The following MARK3 variants were observed in gnomAD, a reference collection of about 807,000 sequenced individuals.
MARK3 encodes MAP/microtubule affinity-regulating kinase 3.
A neutral mutation model predicts 90.1 loss-of-function variants in MARK3; 46 were observed. That is an observed-to-expected ratio of 0.51 (90% CI 0.40 to 0.65). MARK3 has a LOEUF of 0.65. Among genes scored for constraint, MARK3 ranks in the 30% least tolerant of loss-of-function variants. MARK3 has a pLI of 0.00. For synonymous variants in MARK3, 321 were observed against 332.6 expected, an observed-to-expected ratio of 0.97 and a Z score of 0.38; for missense variants, 818 against 947.2, an observed-to-expected ratio of 0.86 and a Z score of 1.79.
intron 11 of MARK3, 137 bp from the exon 12 acceptor site, chr14:103,467,896 C>A: frequency 1.3e-6 from 1 of 776,222 alleles, no homozygotes; most frequent in Non-Finnish European, 2.0e-6. Context: ...TTAGGGTTGT[C>A]ATTTTTGTAC....
chr14:103,446,710 C>CTTTTTTTTTTTTT (rs746523547), intron 3 of MARK3, among the ~76,000 whole-genome samples: 2 of 98,052 alleles, frequency 2.0e-5, no homozygotes, highest in Non-Finnish European at 1.8e-5. Flanking sequence ...AGATTGTTGT[C>CTTTTTTTTTTTTT]TTTTTTTTTT....
chr14:103,441,611 C>A (rs954243315), intron 3 of MARK3: 1 of 152,104 alleles, frequency 6.6e-6, no homozygotes. Flanking sequence ...TTAAGAAATT[C>A]TTCTCTACCT....
At chr14:103,480,257 A>G (rs547526334) in intron 13 of MARK3, 130 bp from the exon 14 acceptor site, 4 of 581,402 alleles carry the variant, frequency 6.9e-6, no homozygotes, top group African/African-American at 3.8e-5. Context: ...CCTGGGTGAC[A>G]GAGTAAGACC....
chr14:103,435,736 A>G (rs1274009476), intron 3 of MARK3, among the ~76,000 whole-genome samples: 2 of 151,638 alleles, frequency 1.3e-5, no homozygotes, highest in African/African-American at 4.8e-5. Context: ...TGAGTGATTG[A>G]TTGATGGGGT....
intron 1 of MARK3, among the ~76,000 whole-genome samples, chr14:103,391,542 CTTT>C (rs35186837): frequency 3.5e-4 from 49 of 140,064 alleles, no homozygotes; most frequent in African/African-American, 9.8e-4. Context: ...GTCAAATATG[CTTT>C]TTTTTTTTTT....
At chr14:103,475,825 A>G (rs2093704809) in intron 13 of MARK3, among the ~76,000 whole-genome samples, 1 of 152,002 alleles carries the variant, frequency 6.6e-6, no homozygotes, top group Non-Finnish European at 1.5e-5. Flanking sequence ...GGCACCTGTA[A>G]TCCCAGCTGC....
intron 3 of MARK3, among the ~76,000 whole-genome samples, chr14:103,435,678 G>C (rs1425142483): frequency 6.6e-6 from 1 of 152,030 alleles, no homozygotes; most frequent in Non-Finnish European, 1.5e-5. Flanking sequence ...AAAGTGCTGG[G>C]ATTACAGGCG....
rs369147970 is a variant in MARK3 at position 103,503,459 on chromosome 14, C to T, written c.*232C>T. 9 of 535,042 alleles carry T rather than the reference C, an allele frequency of 1.7e-5. No individual in the cohort carries two copies. Among genetic ancestry groups the T allele is most frequent in the Admixed American group, 1.0e-4 (3 of 28,626 alleles). The allele number at this position is 535,042 out of a possible 1,614,324, so 33.1% of individuals were successfully genotyped here. On this transcript the variant is annotated 3_prime_UTR_variant, in exon 18 of 18. Transcript: ENST00000429436. ...GCCCTACTTCCGTTACCCTGAGAGT[C>T]GGTGTGTGGCCCCATCTCCATGTGC...
At chr14:103,480,537 A>T in intron 14 of MARK3, 47 bp downstream of exon 14, 2 of 1,124,322 alleles carry the variant, frequency 1.8e-6, no homozygotes, top group Non-Finnish European at 2.7e-6. Flanking sequence ...TTCCCAAGAG[A>T]AATGGAAGCA....
chr14:103,462,458 C>G lies in MARK3; in HGVS notation c.537C>G (p.Leu179=). 2.5e-6 allele frequency: 4 copies of G among 1,601,260 alleles called. No homozygotes were observed. Among genetic ancestry groups the G allele is most frequent in the Non-Finnish European group, 8.5e-7 (1 of 1,169,614 alleles). ...AGAAACGGATCGTACATCGAGACCT[C>G]AAGGTGAGTAGAAGTGCCTCACTCA... ...CHQKRIVHRD[L]KAENLLLDAD... The change falls in exon 7 of 18, where the codon CTC becomes CTG. Residue 179 remains leucine, a synonymous_variant. Transcript: ENST00000429436.
rs572333146 is a variant in MARK3 at position 103,403,017 on chromosome 14, T to C, written c.52-2059T>C. Reference sequence around the variant, plus strand: ...GAGAATTATAATCTTGGAGCAATGTTACATCCCTCCCCCTCCCCTGGCCCC... The same window carrying C: ...GAGAATTATAATCTTGGAGCAATGTCACATCCCTCCCCCTCCCCTGGCCCC... On this transcript the variant is annotated intron_variant, in intron 1 of 17. Transcript: ENST00000429436. Among the ~76,000 whole-genome samples, 12 of 151,984 alleles carry C rather than the reference T, an allele frequency of 7.9e-5. No individual in the cohort carries two copies. In the South Asian group the frequency reaches 2.3e-3, roughly 29 times the overall value.
At chr14:103,413,986 A>G (rs891855295) in intron 2 of MARK3, among the ~76,000 whole-genome samples, 1 of 152,196 alleles carries the variant, frequency 6.6e-6, no homozygotes, top group Non-Finnish European at 1.5e-5. Context: ...AGTGTTTGGC[A>G]ATTATGAATA....
At position 103,412,629 on chromosome 14, in the gene MARK3, T is replaced by C. The variant is rs947893276; in HGVS notation, c.243+7362T>C. ...ACGGTGCCCGAGAAGCGCTTGTCCT[T>C]CTGGGGGTCATAGTTCTTCAAGCTG... On this transcript the variant is annotated intron_variant, in intron 2 of 17. Coordinates refer to ENST00000429436, the MANE Select transcript of MARK3 (RefSeq NM_001128918.3). 65 of 1,010,018 alleles carry C rather than the reference T, an allele frequency of 6.4e-5. No individual in the cohort carries two copies. The African/African-American group carries it at 8.7e-4, about 13-fold the overall frequency. 62.6% of individuals were successfully genotyped at this position (1,010,018 alleles called of 1,614,324 possible). A position where few individuals can be genotyped will look rare whatever the true frequency, so the allele number is the denominator to read the frequency against.
chr14:103,435,022 G>A (rs2092680797), intron 3 of MARK3, among the ~76,000 whole-genome samples: 1 of 152,122 alleles, frequency 6.6e-6, no homozygotes, highest in Non-Finnish European at 1.5e-5. Flanking sequence ...TAGCAGTAGT[G>A]GCCTTTTTTG....
rs370489844 is a variant in MARK3, at chr14:103,451,914, G to C, written c.347-4G>C. ...TTTCTTCCGTGTCCTCTCCTCTCCC[G>C]CAGTGAAGTTATTCGAAGTCATTGA... On this transcript the variant is annotated splice_region_variant and splice_polypyrimidine_tract_variant and intron_variant, in intron 4 of 17. Transcript: ENST00000429436. 6.2e-7 allele frequency: 1 copy of C among 1,606,858 alleles called. No homozygotes were observed. Among genetic ancestry groups the C allele is most frequent in the Non-Finnish European group, 8.5e-7 (1 of 1,174,940 alleles).
At chr14:103,495,112 A>G (rs965846262) in intron 15 of MARK3, among the ~76,000 whole-genome samples, 8 of 152,190 alleles carry the variant, frequency 5.3e-5, no homozygotes, top group African/African-American at 1.9e-4. Context: ...TTTAATCTCC[A>G]TAGTCCACCC....
chr14:103,443,011 CA>C (rs1473082136), intron 3 of MARK3, among the ~76,000 whole-genome samples: 14 of 149,252 alleles, frequency 9.4e-5, no homozygotes, highest in Non-Finnish European at 4.4e-5. Context: ...TAAGTGCTGC[CA>C]GGGGGAAGGG....
chr14:103,462,529 C>A (rs2141517583), intron 7 of MARK3, 68 bp downstream of exon 7: 2 of 1,194,770 alleles, frequency 1.7e-6, no homozygotes, highest in South Asian at 1.4e-5. Context: ...GTGGTCATTA[C>A]ACAAATGAGG....
chr14:103,465,417 TCTCTAGAAAGAA>T, intron 7 of MARK3, 128 bp from the exon 8 acceptor site: 1 of 621,520 alleles, frequency 1.6e-6, no homozygotes. Flanking sequence ...CCTGTTTTTT[TCTCTAGAAAGAA>T]TGTTTTCACA....
Sources: allele counts gnomAD v4.1 joint callset (sites outside exome capture counted in the v4.1 genomes callset), GRCh38; gene constraint gnomAD v4.1.1; transcripts MANE v1.5; gene names NCBI Gene and HGNC (gene_info 2026-07-23, HGNC 2026-07-21).